PKD1: variants seen among roughly 807,000 people sequenced by gnomAD.
PKD1 encodes the protein polycystin-1.
A neutral mutation model predicts 361.7 loss-of-function variants in PKD1; 81 were observed. That is an observed-to-expected ratio of 0.22 (90% CI 0.19 to 0.27). The LOEUF (loss-of-function observed/expected upper bound fraction) is 0.27. Among genes scored for constraint, PKD1 ranks in the 10% least tolerant of loss-of-function variants. The pLI is 1.00. For missense variants in PKD1, 6,399 were observed against 6,118.3 expected, an observed-to-expected ratio of 1.05 and a Z score of -1.53; for synonymous variants, 3,615 against 2,818.3, an observed-to-expected ratio of 1.28 and a Z score of -8.95.
intron 1 of PKD1, among the ~76,000 whole-genome samples, chr16:2,124,972 C>T (rs532617296): frequency 1.1e-4 from 16 of 152,302 alleles, no homozygotes; most frequent in East Asian, 3.9e-4. Context: ...CCGTCCCTCC[C>T]GAGAGCAGGC....
At chr16:2,113,128 C>T in intron 12 of PKD1, 33 bp downstream of exon 12, 1 of 709,894 alleles carries the variant, frequency 1.4e-6, no homozygotes, top group Non-Finnish European at 2.5e-6. Context: ...TGCCCCGCCC[C>T]ATCCCCTCCC....
chr16:2,101,669 TG>T lies in PKD1; in HGVS notation c.9397+391del, dbSNP rs541719292. 2.0e-3 allele frequency among the ~76,000 whole-genome samples: 307 copies of T among 152,250 alleles called. 2 individuals are homozygous for T. The highest frequency in any genetic ancestry group is 7.1e-3 in the African/African-American group (294 of 41,538). ...GGGAATGCCAGAAGGGCAATTCCAA[TG>T]AAAGGAAAATGGAGGTACTGAAGAA... On this transcript the variant is annotated intron_variant, in intron 26 of 45. Transcript: ENST00000262304.
Position 2,111,119 on chromosome 16 carries a change from T to G in PKD1, c.4048A>C (p.Thr1350Pro). Reference protein sequence around the residue: ...RGCPTVTHNFTRSGTFPLALV... With the variant: ...RGCPTVTHNFPRSGTFPLALV... The stretch of plus-strand genomic sequence containing the variant: ...GCCAGGGGGAACGTGCCGCTCCGCG[T>G]GAAGTTGTGTGTCACCGTCGGGCAC... Residue 1350 changes from threonine (T) to proline (P), a missense_variant, in exon 15 of 46, where the codon ACG (threonine) becomes CCG (proline). Coordinates refer to ENST00000262304, the MANE Select transcript of PKD1 (RefSeq NM_001009944.3). 1 of 1,610,750 alleles carries G rather than the reference T, an allele frequency of 6.2e-7. No individual in the cohort carries two copies. The highest frequency in any genetic ancestry group is 8.5e-7 in the Non-Finnish European group (1 of 1,179,736).
At chr16:2,117,388 G>C (rs1273291227) in intron 6 of PKD1, 101 bp downstream of exon 6, 1 of 918,068 alleles carries the variant, frequency 1.1e-6, no homozygotes, top group African/African-American at 1.7e-5. Context: ...GGCCGGCCCA[G>C]CTCCCACCTC....
chr16:2,125,590 G>T (rs1403496653), intron 1 of PKD1, among the ~76,000 whole-genome samples: 4 of 152,194 alleles, frequency 2.6e-5, no homozygotes, highest in Non-Finnish European at 5.9e-5. Context: ...AGATGAGAAA[G>T]GGGAGTCTGC....
rs572950870 is a variant in PKD1 at position 2,112,801 on chromosome 16, C to T, written c.3148G>A (p.Glu1050Lys). 5.3e-5 allele frequency: 85 copies of T among 1,597,588 alleles called. No individual in the cohort carries two copies. The Admixed American group carries it at 1.4e-3, about 27-fold the overall frequency. Reference protein sequence around the residue: ...TAGVLVDSAVEVAFLWTFGDG... With the variant: ...TAGVLVDSAVKVAFLWTFGDG... ...CGAGTCACTCACAGGAAGGCCACCT[C>T]CACGGCCGAGTCCACCAGCACGCCC... The change falls in exon 13 of 46, where the codon GAG becomes AAG. Residue 1050 changes from glutamate to lysine, a missense_variant. Physicochemically the swap from Glu to Lys is moderately conservative, Grantham distance 56. Coordinates refer to ENST00000262304, the MANE Select transcript of PKD1 (RefSeq NM_001009944.3).
At chr16:2,125,763 C>A (rs1484358317) in intron 1 of PKD1, among the ~76,000 whole-genome samples, 1 of 151,922 alleles carries the variant, frequency 6.6e-6, no homozygotes, top group East Asian at 1.9e-4. Flanking sequence ...TGAGGGCCGG[C>A]TCCTGGTGCC....
rs769418821 is a variant in PKD1 at position 2,097,460 on chromosome 16, C to T, written c.10264G>A (p.Asp3422Asn). Reference protein sequence around the residue: ...PSGEGTLSWPDLLSDPSIVGS... With the variant: ...PSGEGTLSWPNLLSDPSIVGS... ...ACAATGGACGGGTCACTGAGCAGGT[C>T]CGGCCAACTGAGCGTTCCCTCGCCG... Residue 3422 changes from aspartate (D) to asparagine (N), a missense_variant, in exon 33 of 46, where the codon GAC becomes AAC. Physicochemically the swap from Asp to Asn is conservative, Grantham distance 23. Coordinates refer to ENST00000262304, the MANE Select transcript of PKD1 (RefSeq NM_001009944.3). 1.0e-5 allele frequency: 16 copies of T among 1,604,678 alleles called. No individual in the cohort carries two copies. The highest frequency in any genetic ancestry group is 1.2e-5 in the Non-Finnish European group (14 of 1,179,922).
At position 2,092,135 on chromosome 16, in the gene PKD1, C is replaced by T. The variant is rs1471926559; in HGVS notation, c.11323G>A (p.Gly3775Ser). Reference protein sequence around the residue: ...PRVHTCSAAGGFSTSDYDVGW... With the variant: ...PRVHTCSAAGSFSTSDYDVGW... ...ACGTCGTAATCGCTGGTGCTGAAGC[C>T]TCCTGCGGCCGAGCACGTGTGGACC... Residue 3775 changes from glycine (G) to serine (S), a missense_variant, in exon 40 of 46, where the codon GGC (glycine) becomes AGC (serine). Physicochemically the swap from Gly to Ser is moderately conservative, Grantham distance 56. Coordinates refer to ENST00000262304, the MANE Select transcript of PKD1 (RefSeq NM_001009944.3). 6.2e-7 allele frequency: 1 copy of T among 1,612,686 alleles called. No individual in the cohort carries two copies. Among genetic ancestry groups the T allele is most frequent in the Non-Finnish European group, 8.5e-7 (1 of 1,179,992 alleles).
Position 2,106,576 on chromosome 16 carries a change from C to T in PKD1, c.7311G>A (p.Val2437=), listed in dbSNP as rs1221011175. The T allele has an allele frequency of 2.5e-6, 4 of 1,596,086 alleles. No homozygotes were observed. Among genetic ancestry groups the T allele is most frequent in the African/African-American group, 1.3e-5 (1 of 74,782 alleles). ...AGMRLVLRRG[V]LRDGEGYTFT... ...AGGTGTATCCCTCGCCGTCCCGCAG[C>T]ACGCCCCGCCGCAGCACCAGTCGCA... Residue 2437 remains valine (V), a synonymous_variant, in exon 18 of 46, where the codon GTG becomes GTA. Coordinates refer to ENST00000262304, the MANE Select transcript of PKD1 (RefSeq NM_001009944.3). The surrounding 1 kb of genome is among the most constrained non-coding windows in gnomAD (Gnocchi z 6.5).
Position 2,111,588 on chromosome 16 carries a change from G to A in PKD1, c.3579C>T (p.Val1193=). 1 of 1,574,264 alleles carries A rather than the reference G, an allele frequency of 6.4e-7. No homozygotes were observed. ...SRGTYHVRLE[V]NNTVSGAAAQ... The stretch of plus-strand genomic sequence containing the variant: ...CCGCCGCACCGCTCACCGTGTTGTT[G>A]ACCTCCAGGCGCACGTGGTAGGTGC... Residue 1193 remains valine (V), a synonymous_variant, in exon 15 of 46, where the codon GTC becomes GTT. Coordinates refer to ENST00000262304, the MANE Select transcript of PKD1 (RefSeq NM_001009944.3).
Position 2,093,085 on chromosome 16 carries a change from C to G in PKD1, c.11025G>C (p.Leu3675=). 6.2e-7 allele frequency: 1 copy of G among 1,612,608 alleles called. No homozygotes were observed. Among genetic ancestry groups the G allele is most frequent in the Non-Finnish European group, 8.5e-7 (1 of 1,179,988 alleles). ...TCACCAGCAGAAAAAGCATGTACAC[C>G]AGGAGGCTCTGGTGGACGGGGGGGC... ...KRLHGMLRSL[L]VYMLFLLVTL... is the part of the protein sequence containing the mutation. The change falls in exon 38 of 46, where the codon CTG becomes CTC. Residue 3675 remains leucine, a synonymous_variant. Coordinates refer to ENST00000262304, the MANE Select transcript of PKD1 (RefSeq NM_001009944.3).
Position 2,090,907 on chromosome 16 carries a change from G to C in PKD1, c.11980C>G (p.Leu3994Val), listed in dbSNP as rs1479816275. ...ACCTTGACCAAAAGCAGGAAGAGCA[G>C]CGAGGCCGCCAGGCCACGGGCTGCG... ...SSAARGLAASLLFLLLVKAAQ... is the reference protein window; with the variant it reads ...SSAARGLAASVLFLLLVKAAQ... The change falls in exon 43 of 46, where the codon CTG (leucine) becomes GTG (valine). Residue 3994 changes from leucine to valine, a missense_variant. Transcript: ENST00000262304. 3 of 1,595,560 alleles carry C rather than the reference G, an allele frequency of 1.9e-6. No homozygotes were observed. The highest frequency in any genetic ancestry group is 2.5e-6 in the Non-Finnish European group (3 of 1,177,012).
intron 37 of PKD1, 80 bp downstream of exon 37, chr16:2,093,464 A>T: frequency 7.6e-7 from 1 of 1,312,972 alleles, no homozygotes. Flanking sequence ...AAAGGGGGAC[A>T]GGAGTGTCCT....
intron 37 of PKD1, 176 bp from the exon 38 acceptor site, chr16:2,093,269 C>G: frequency 1.3e-6 from 1 of 776,230 alleles, no homozygotes; most frequent in South Asian, 1.6e-5. Flanking sequence ...CTGCCCGGAA[C>G]CCCACCTGGG....
In PKD1 at chr16:2,111,610, G is replaced by A. The variant is rs1194716694; in HGVS notation, c.3557C>T (p.Thr1186Ile). Reference protein sequence around the residue: ...AANHTYASRGTYHVRLEVNNT... With the variant: ...AANHTYASRGIYHVRLEVNNT... ...GTTGACCTCCAGGCGCACGTGGTAGGTGCCCCTCGAGGCATAGGTGTGGTT... is the reference window on the plus strand; with the variant it reads ...GTTGACCTCCAGGCGCACGTGGTAGATGCCCCTCGAGGCATAGGTGTGGTT... The change falls in exon 15 of 46, where the codon ACC becomes ATC. Residue 1186 changes from threonine (T) to isoleucine (I), a missense_variant. Physicochemically the swap from Thr to Ile is moderately conservative, Grantham distance 89. Transcript: ENST00000262304. The A allele has an allele frequency of 1.9e-6, 3 of 1,574,228 alleles. No homozygotes were observed. Among genetic ancestry groups the A allele is most frequent in the Admixed American group, 1.8e-5 (1 of 54,198 alleles).
In PKD1 at chr16:2,097,788, G is replaced by A. The variant is rs199808929; in HGVS notation, c.10168-8C>T. On this transcript the variant is annotated splice_region_variant and splice_polypyrimidine_tract_variant and intron_variant, in intron 31 of 45. Coordinates refer to ENST00000262304, the MANE Select transcript of PKD1 (RefSeq NM_001009944.3). Reference sequence around the variant, plus strand: ...CTGTCCAACAAAGGCCTGCTGAGAGGTGCACAGTGTCTTGAGTCCAAGCTG... The same window carrying A: ...CTGTCCAACAAAGGCCTGCTGAGAGATGCACAGTGTCTTGAGTCCAAGCTG... 565 of 1,611,310 alleles carry A rather than the reference G, an allele frequency of 3.5e-4. No homozygotes were observed. The highest frequency in any genetic ancestry group is 4.6e-4 in the Non-Finnish European group (545 of 1,179,896).
Position 2,114,631 on chromosome 16 carries a change from C to T in PKD1, c.2392G>A (p.Val798Ile), listed in dbSNP as rs1193579231. 1.3e-6 allele frequency: 2 copies of T among 1,568,628 alleles called. No individual in the cohort carries two copies. The highest frequency in any genetic ancestry group is 1.7e-6 in the Non-Finnish European group (2 of 1,166,602). ...PGLRLPGRYE[V>I]RAEVGNGVSR... ...ACGCCATTGCCCACCTCTGCCCGGA[C>T]CTCATAGCGCCCAGGCAGCCGCAGT... Residue 798 changes from valine to isoleucine, a missense_variant, in exon 11 of 46, where the codon GTC (valine) becomes ATC (isoleucine). Physicochemically the swap from Val to Ile is conservative, Grantham distance 29. Coordinates refer to ENST00000262304, the MANE Select transcript of PKD1 (RefSeq NM_001009944.3).
At position 2,111,785 on chromosome 16, in the gene PKD1, A is replaced by C; in HGVS notation, c.3382T>G (p.Ser1128Ala). ...VPVSVRASLP[S>A]VAVGVSDGVL... ...CCGTCACTCACACCCACAGCCACGG[A>C]GGGCAGGGAGGCGCGCACGCTCACA... The change falls in exon 15 of 46, where the codon TCC (serine) becomes GCC (alanine). Residue 1128 changes from serine (S) to alanine (A), a missense_variant. Transcript: ENST00000262304. 6.2e-7 allele frequency: 1 copy of C among 1,608,716 alleles called. No individual in the cohort carries two copies. Among genetic ancestry groups the C allele is most frequent in the Non-Finnish European group, 8.5e-7 (1 of 1,178,948 alleles).
Sources: gnomAD v4.1 joint callset for allele counts (sites outside exome capture counted in the v4.1 genomes callset) on GRCh38, gnomAD v4.1.1 for gene constraint, Gnocchi (gnomAD v3.1) non-coding constraint, MANE v1.5 for transcripts, NCBI Gene and HGNC (gene_info 2026-07-23, HGNC 2026-07-21) for gene names.